The following DCX variants were observed in gnomAD, a reference collection of about 807,000 sequenced individuals.
The protein encoded by DCX is neuronal migration protein doublecortin.
DCX carries 4 observed loss-of-function variants against 20.9 expected under a neutral mutation model. That is an observed-to-expected ratio of 0.19 (90% confidence interval 0.09 to 0.44). DCX has a LOEUF of 0.44. Ranked by LOEUF, DCX falls within the 20% of genes least tolerant of loss-of-function variation. The pLI, the probability that DCX is intolerant of heterozygous loss-of-function variation, is 0.99. For missense variants in DCX, 133 were observed against 296.9 expected (o/e 0.45, Z 4.06); for synonymous variants, 103 against 111.4 (o/e 0.92, Z 0.47).
rs757937352 is a variant in DCX at position 111,357,191 on chromosome X, A to G, written c.706-24038T>C. Among the ~76,000 whole-genome samples the G allele has an allele frequency of 8.0e-5, 9 of 111,977 alleles. No individual in the cohort carries two copies. The South Asian group carries it at 3.4e-3, about 42-fold the overall frequency. Reference sequence around the variant, plus strand: ...TGGGTACAGTGGTTAATAGTGAGAAATAGCATGACATAGTGCAAAGATCTC... The same window carrying G: ...TGGGTACAGTGGTTAATAGTGAGAAGTAGCATGACATAGTGCAAAGATCTC... On this transcript the variant is annotated intron_variant, in intron 3 of 6. Transcript: ENST00000636035.
chrX:111,338,581 C>CTT lies in DCX; in HGVS notation c.706-5430_706-5429dup, dbSNP rs758262346. On this transcript the variant is annotated intron_variant, in intron 3 of 6. Coordinates refer to ENST00000636035, the MANE Select transcript of DCX (RefSeq NM_001195553.2). ...AGCAACCTTTCGGAAACAATCCTGA[C>CTT]TTTTTTTTTTTTTTTTATCAAACTC... 3.7e-3 allele frequency among the ~76,000 whole-genome samples: 356 copies of CTT among 95,993 alleles called. 4 individuals are homozygous for CTT. Among genetic ancestry groups the CTT allele is most frequent in the African/African-American group, 0.012 (328 of 26,473 alleles). The allele number at this position is 95,993 out of a possible 115,157, so 83.4% of individuals were successfully genotyped here.
chrX:111,336,329 A>C (rs762041379), intron 3 of DCX, among the ~76,000 whole-genome samples: 1 of 112,384 alleles, frequency 8.9e-6, no homozygotes, highest in Admixed American at 9.4e-5. Flanking sequence ...CCTCTAAGAA[A>C]GGCAAAGTCC....
chrX:111,355,705 AAG>A (rs1300696703), intron 3 of DCX, among the ~76,000 whole-genome samples: 1 of 111,432 alleles, frequency 9.0e-6, no homozygotes, highest in Non-Finnish European at 1.9e-5. Context: ...ACACAGAGCC[AAG>A]AGAAGGGGAA....
intron 3 of DCX, among the ~76,000 whole-genome samples, chrX:111,398,163 G>C (rs1194217950): frequency 1.8e-5 from 2 of 109,958 alleles, no homozygotes; most frequent in African/African-American, 3.3e-5. Flanking sequence ...CCACCTGGTG[G>C]AATATGCACT....
intron 2 of DCX, among the ~76,000 whole-genome samples, chrX:111,408,687 AAAG>A (rs1422004838): frequency 1.9e-5 from 2 of 105,051 alleles, no homozygotes; most frequent in Non-Finnish European, 3.9e-5. Context: ...AGAAAGAAAG[AAAG>A]AAAGGAAGGA....
At chrX:111,308,840 TGAAA>T (rs773142427) in intron 6 of DCX, among the ~76,000 whole-genome samples, 8 of 111,372 alleles carry the variant, frequency 7.2e-5, no homozygotes, top group African/African-American at 1.3e-4. Context: ...ATTAAATAAA[TGAAA>T]GAGTTTCCTT....
At chrX:111,302,827 C>T (rs944729427) in intron 6 of DCX, among the ~76,000 whole-genome samples, 1 of 111,250 alleles carries the variant, frequency 9.0e-6, no homozygotes, top group African/African-American at 3.3e-5. Flanking sequence ...TAAGTTTTAA[C>T]AGTTATTTTA....
chrX:111,400,871 C>A (rs1927716456), intron 3 of DCX, 119 bp downstream of exon 3: 9 of 650,034 alleles, frequency 1.4e-5, no homozygotes, highest in Non-Finnish European at 2.2e-5. Context: ...CCTATAATAT[C>A]AGGTTGTGAT....
At position 111,408,365 on chromosome X, in the gene DCX, G is replaced by A. The variant is rs1165063486; in HGVS notation, c.364+1670C>T. On this transcript the variant is annotated intron_variant, in intron 2 of 6. Transcript: ENST00000636035. The stretch of plus-strand genomic sequence containing the variant: ...CGGCCAGGCACAGTGGCTCACACCT[G>A]TAATCCCAACACTTTGGGAGGCCAA... Among the ~76,000 whole-genome samples, 3 of 110,962 alleles carry A rather than the reference G, an allele frequency of 2.7e-5. No homozygotes were observed. The East Asian group carries it at 8.5e-4, about 31-fold the overall frequency.
chrX:111,367,673 A>C (rs1411871765), intron 3 of DCX, among the ~76,000 whole-genome samples: 2 of 111,635 alleles, frequency 1.8e-5, no homozygotes, highest in Non-Finnish European at 3.8e-5. Context: ...ATTATAAGCA[A>C]TGTGCTGTGT....
intron 3 of DCX, among the ~76,000 whole-genome samples, chrX:111,397,351 T>C (rs759472786): frequency 6.3e-5 from 7 of 111,770 alleles, no homozygotes; most frequent in Non-Finnish European, 1.3e-4. Context: ...GTGTCACGTA[T>C]AGCCAAAAAC....
chrX:111,403,960 C>T (rs1928008347), intron 2 of DCX, among the ~76,000 whole-genome samples: 1 of 109,701 alleles, frequency 9.1e-6, no homozygotes, highest in South Asian at 3.9e-4. Context: ...GAAGGAGAAT[C>T]GCTTGAACCT....
rs138575957 is a variant in DCX, at chrX:111,363,772, A to G, written c.706-30619T>C. On this transcript the variant is annotated intron_variant, in intron 3 of 6. Coordinates refer to ENST00000636035, the MANE Select transcript of DCX (RefSeq NM_001195553.2). ...CCAAGGTGGGGAAAAACTAGTTGAT[A>G]AAACTACCTATTTGCAGTGGTCACA... Among the ~76,000 whole-genome samples the G allele has an allele frequency of 6.4e-3, 711 of 111,840 alleles. 4 individuals carry two copies. The highest frequency in any genetic ancestry group is 0.011 in the Non-Finnish European group (585 of 53,127).
rs751681705 is a variant in DCX, at chrX:111,297,088, A to G, written c.*4599T>C. The G allele has an allele frequency of 4.0e-4, 45 of 112,380 alleles. No individual in the cohort carries two copies. The highest frequency in any genetic ancestry group is 1.3e-3 in the African/African-American group (41 of 30,972). The allele number at this position is 112,380 out of a possible 1,213,427, so 9.3% of individuals were successfully genotyped here. A position where few individuals can be genotyped will look rare whatever the true frequency, so the allele number is the denominator to read the frequency against. On this transcript the variant is annotated 3_prime_UTR_variant, in exon 7 of 7. Transcript: ENST00000636035. Reference sequence around the variant, plus strand: ...CTGGGACTTAAAGCCAAAGCCCTTCAGTGAAGGCAATATATGAGTAAGGCC... The same window carrying G: ...CTGGGACTTAAAGCCAAAGCCCTTCGGTGAAGGCAATATATGAGTAAGGCC...
rs765055867 is a variant in DCX at position 111,361,206 on chromosome X, G to C, written c.706-28053C>G. On this transcript the variant is annotated intron_variant, in intron 3 of 6. Transcript: ENST00000636035. ...CCTCCAGTGAGAGAAAGAGGCAGCG[G>C]GGAAAGAGAGAAGAGAGAACTTTTA... is the stretch of plus-strand genomic sequence containing the variant. Among the ~76,000 whole-genome samples the C allele has an allele frequency of 2.7e-5, 3 of 112,319 alleles. No homozygotes were observed. The East Asian group carries it at 8.4e-4, about 31-fold the overall frequency.
At chrX:111,402,284 A>T (rs1324492965) in intron 2 of DCX, among the ~76,000 whole-genome samples, 1 of 111,997 alleles carries the variant, frequency 8.9e-6, no homozygotes, top group Non-Finnish European at 1.9e-5. Flanking sequence ...ATCGCAAAAG[A>T]AATGCAGGGA....
At chrX:111,393,367 A>G (rs1927092849) in intron 3 of DCX, among the ~76,000 whole-genome samples, 1 of 112,055 alleles carries the variant, frequency 8.9e-6, no homozygotes, top group Admixed American at 9.5e-5. Context: ...AGCTAAAAAT[A>G]TAAAACTTCT....
chrX:111,410,687 C>T (rs1301645227), intron 1 of DCX: 3 of 1,096,940 alleles, frequency 2.7e-6, no homozygotes, highest in Non-Finnish European at 3.8e-6. Flanking sequence ...GAGGGAGGCA[C>T]TCTTGGCACT....
At chrX:111,310,604 GTTTAC>G (rs1445547350) in intron 6 of DCX, among the ~76,000 whole-genome samples, 4 of 111,665 alleles carry the variant, frequency 3.6e-5, no homozygotes, top group Non-Finnish European at 5.6e-5. Context: ...AAATTTAAAT[GTTTAC>G]TTTATTTAAA....
Sources: allele counts gnomAD v4.1 joint callset (sites outside exome capture counted in the v4.1 genomes callset), GRCh38; gene constraint gnomAD v4.1.1; transcripts MANE v1.5; gene names NCBI Gene and HGNC (gene_info 2026-07-23, HGNC 2026-07-21).